Variants in LRMDA observed in about 807,000 individuals in gnomAD.
The protein encoded by LRMDA is leucine-rich melanocyte differentiation-associated protein.
LRMDA carries 18 observed loss-of-function variants against 29.8 expected under a neutral mutation model. The ratio of observed to expected loss-of-function variants is 0.60; its 90% CI spans 0.42 to 0.90. LRMDA has a LOEUF of 0.90. Among genes scored for constraint, LRMDA ranks in the 40% least tolerant of loss-of-function variants. The pLI is 0.00. For missense variants in LRMDA, 273 were observed against 273.9 expected, an observed-to-expected ratio of 1.00 and a Z score of 0.02; for synonymous variants, 125 against 109.4, an observed-to-expected ratio of 1.14 and a Z score of -0.89.
chr10:76,296,377 G>A (rs1279498146), intron 5 of LRMDA, among the ~76,000 whole-genome samples: 1 of 152,166 alleles, frequency 6.6e-6, no homozygotes, highest in Non-Finnish European at 1.5e-5. Context: ...TTATTCACGA[G>A]GTGGAGAAAA....
chr10:76,485,750 G>A (rs1842777050), intron 6 of LRMDA, among the ~76,000 whole-genome samples: 1 of 151,510 alleles, frequency 6.6e-6, no homozygotes, highest in Non-Finnish European at 1.5e-5. Context: ...CCTTACTATT[G>A]AAGGATAACT....
intron 2 of LRMDA, among the ~76,000 whole-genome samples, chr10:75,780,964 T>C (rs1843375295): frequency 6.6e-6 from 1 of 152,220 alleles, no homozygotes; most frequent in Admixed American, 6.5e-5. Context: ...TTTAGTATGA[T>C]TGGAACTTCC....
intron 2 of LRMDA, among the ~76,000 whole-genome samples, chr10:75,969,505 T>C (rs1007298168): frequency 1.1e-4 from 16 of 152,268 alleles, no homozygotes; most frequent in Non-Finnish European, 2.4e-4. Flanking sequence ...ATGGGCATAC[T>C]GAGGTTCAGC....
chr10:76,183,314 AATG>A (rs1215516849), intron 5 of LRMDA, among the ~76,000 whole-genome samples: 1 of 152,254 alleles, frequency 6.6e-6, no homozygotes, highest in Non-Finnish European at 1.5e-5. Flanking sequence ...TATCAAAAAT[AATG>A]ATAAGATTTG....
intron 5 of LRMDA, among the ~76,000 whole-genome samples, chr10:76,168,074 T>C (rs897943535): frequency 5.3e-5 from 8 of 152,144 alleles, no homozygotes; most frequent in Non-Finnish European, 7.4e-5. Context: ...GGACCAATTT[T>C]AGGAATAGTT....
rs578006490 is a variant in LRMDA at position 75,463,472 on chromosome 10, G to A, written c.131+24978G>A. Among the ~76,000 whole-genome samples the A allele has an allele frequency of 2.0e-5, 3 of 151,734 alleles. 1 individual carries two copies. The South Asian group carries it at 6.2e-4, about 31-fold the overall frequency. ...GAGGAGTCTTTGGATGCTCGGGTGGGCTACACTGTTCTGGATGATTTTTTT... is the reference window on the plus strand; with the variant it reads ...GAGGAGTCTTTGGATGCTCGGGTGGACTACACTGTTCTGGATGATTTTTTT... On this transcript the variant is annotated intron_variant, in intron 2 of 6. Coordinates refer to ENST00000611255, the MANE Select transcript of LRMDA (RefSeq NM_001305581.2).
Position 76,365,107 on chromosome 10 carries a change from T to TACACACAC in LRMDA, c.601+40628_601+40635dup, listed in dbSNP as rs61263118. Among the ~76,000 whole-genome samples the TACACACAC allele has an allele frequency of 3.0e-3, 183 of 61,240 alleles. 4 individuals carry two copies. Among genetic ancestry groups the TACACACAC allele is most frequent in the African/African-American group, 5.9e-3 (128 of 21,516 alleles). 40.2% of individuals were successfully genotyped at this position (61,240 alleles called of 152,430 possible). The stretch of plus-strand genomic sequence containing the variant: ...ACACATATATATATATATATATATA[T>TACACACAC]ACACACACACACATACACACCACAG... On this transcript the variant is annotated intron_variant, in intron 6 of 6. Coordinates refer to ENST00000611255, the MANE Select transcript of LRMDA (RefSeq NM_001305581.2).
chr10:76,256,878 C>A (rs1172740669), intron 5 of LRMDA, among the ~76,000 whole-genome samples: 2 of 152,148 alleles, frequency 1.3e-5, no homozygotes, highest in Non-Finnish European at 2.9e-5. Flanking sequence ...GAGATCACAT[C>A]ACAGTCAGTG....
At chr10:76,021,750 A>G (rs1564632218) in intron 2 of LRMDA, among the ~76,000 whole-genome samples, 1 of 152,186 alleles carries the variant, frequency 6.6e-6, no homozygotes, top group Non-Finnish European at 1.5e-5. Flanking sequence ...ACTTACACCC[A>G]GAGAGAGAAG....
intron 2 of LRMDA, among the ~76,000 whole-genome samples, chr10:75,910,930 G>A (rs1302477619): frequency 1.3e-5 from 2 of 152,178 alleles, no homozygotes; most frequent in Non-Finnish European, 2.9e-5. Flanking sequence ...TTGTGGTTTA[G>A]TGTTGGGAGT....
At chr10:75,831,834 T>C (rs1253594500) in intron 2 of LRMDA, among the ~76,000 whole-genome samples, 5 of 152,344 alleles carry the variant, frequency 3.3e-5, no homozygotes, top group African/African-American at 9.6e-5. Flanking sequence ...CTGCCAAAGC[T>C]TGGGGCTTCC....
At chr10:75,901,894 A>G (rs1845680163) in intron 2 of LRMDA, among the ~76,000 whole-genome samples, 1 of 152,268 alleles carries the variant, frequency 6.6e-6, no homozygotes, top group Non-Finnish European at 1.5e-5. Context: ...TCCCCAAGTC[A>G]TCAACCTGCC....
intron 6 of LRMDA, among the ~76,000 whole-genome samples, chr10:76,516,720 A>G (rs910695024): frequency 1.2e-4 from 18 of 152,016 alleles, no homozygotes; most frequent in Admixed American, 1.0e-3. Flanking sequence ...TATGTGCCAC[A>G]TTTTCTTAAT....
chr10:75,981,768 C>T lies in LRMDA; in HGVS notation c.132-54240C>T, dbSNP rs573062639. ...TGAGGAGGCTGAGGCAGGAGAATCA[C>T]TCGAACGTGGGAAGTGGAGGTTGCA... On this transcript the variant is annotated intron_variant, in intron 2 of 6. Coordinates refer to ENST00000611255, the MANE Select transcript of LRMDA (RefSeq NM_001305581.2). Among the ~76,000 whole-genome samples the T allele has an allele frequency of 2.0e-5, 3 of 151,134 alleles. No homozygotes were observed. The East Asian group carries it at 5.9e-4, about 30-fold the overall frequency.
At chr10:76,015,965 A>G (rs1847872794) in intron 2 of LRMDA, among the ~76,000 whole-genome samples, 1 of 152,078 alleles carries the variant, frequency 6.6e-6, no homozygotes, top group South Asian at 2.1e-4. Flanking sequence ...TAAAGTAATC[A>G]CTCCCTCTGG....
intron 6 of LRMDA, among the ~76,000 whole-genome samples, chr10:76,403,027 A>ACTGGAG (rs1287453461): frequency 6.6e-6 from 1 of 151,748 alleles, no homozygotes; most frequent in Non-Finnish European, 1.5e-5. Context: ...TATGGCCCAA[A>ACTGGAG]CTGGAGCCCC....
chr10:76,046,444 A>G (rs1200221125), intron 3 of LRMDA, among the ~76,000 whole-genome samples: 1 of 152,052 alleles, frequency 6.6e-6, no homozygotes, highest in East Asian at 1.9e-4. Flanking sequence ...GAAAGAATAT[A>G]TTTTAATGAG....
At chr10:75,937,492 T>G (rs1846316825) in intron 2 of LRMDA, among the ~76,000 whole-genome samples, 1 of 152,174 alleles carries the variant, frequency 6.6e-6, no homozygotes, top group Non-Finnish European at 1.5e-5. Flanking sequence ...TTTGAGCATG[T>G]GAAAGTTCAA....
At chr10:76,234,833 A>T (rs1053375596) in intron 5 of LRMDA, among the ~76,000 whole-genome samples, 2 of 152,202 alleles carry the variant, frequency 1.3e-5, no homozygotes, top group Admixed American at 6.5e-5. Context: ...CTTTGGCTTA[A>T]GGAAATGTCA....
Sources: allele counts gnomAD v4.1 joint callset (sites outside exome capture counted in the v4.1 genomes callset), GRCh38; gene constraint gnomAD v4.1.1; transcripts MANE v1.5; gene names NCBI Gene and HGNC (gene_info 2026-07-23, HGNC 2026-07-21).